Variants in IRGM observed in about 807,000 individuals in gnomAD.
The protein encoded by IRGM is immunity-related GTPase family M protein.
For synonymous variants in IRGM, 98 were observed against 80.6 expected (o/e 1.22, Z -1.16); for missense variants, 288 against 219.9 (o/e 1.31, Z -1.96).
chr5:150,883,601 A>G, intron 3 of IRGM, among the ~76,000 whole-genome samples: 1 of 152,038 alleles, frequency 6.6e-6, no homozygotes, highest in East Asian at 1.9e-4. Flanking sequence ...TTATGAGACT[A>G]CTATGAACAA....
At chr5:150,898,483 C>T (rs774783585) in intron 3 of IRGM, 4 of 1,613,172 alleles carry the variant, frequency 2.5e-6, no homozygotes, top group Non-Finnish European at 3.4e-6. Context: ...ACAGGGTCCT[C>T]TGAGAAGGGT....
intron 1 of IRGM, among the ~76,000 whole-genome samples, chr5:150,859,389 T>C (rs1754103869): frequency 6.6e-6 from 1 of 152,186 alleles, no homozygotes; most frequent in South Asian, 2.1e-4. Flanking sequence ...TAAAATTCTC[T>C]TTTTTGGCTG....
chr5:150,895,376 A>AATT, intron 3 of IRGM: 1 of 1,364,910 alleles, frequency 7.3e-7, no homozygotes, highest in Non-Finnish European at 9.8e-7. Flanking sequence ...GGTTTCTAGT[A>AATT]ATTATTAAGG....
intron 1 of IRGM, among the ~76,000 whole-genome samples, chr5:150,871,342 C>T (rs1754279343): frequency 6.6e-6 from 1 of 152,208 alleles, no homozygotes; most frequent in Admixed American, 6.5e-5. Flanking sequence ...AAGCTAACCT[C>T]CAAGATGTGT....
Position 150,886,082 on chromosome 5 carries a change from T to A in IRGM, c.*140+6436T>A, listed in dbSNP as rs80346290. Among the ~76,000 whole-genome samples the A allele has an allele frequency of 5.1e-3, 773 of 152,240 alleles. 3 individuals are homozygous for A. The highest frequency in any genetic ancestry group is 0.018 in the African/African-American group (749 of 41,546). ...AGTATTTTGAGGTATGTTTCTTCAA[T>A]ATCTATTTTATGGAGAGCTTTTAAG... On this transcript the variant is annotated intron_variant and NMD_transcript_variant, in intron 3 of 3. Transcript: ENST00000520549.
At chr5:150,864,427 C>G (rs1012639319) in intron 1 of IRGM, among the ~76,000 whole-genome samples, 4 of 152,174 alleles carry the variant, frequency 2.6e-5, no homozygotes, top group Admixed American at 2.0e-4. Flanking sequence ...GTTCCCAAAG[C>G]CCTGGATTTC....
At chr5:150,896,588 T>C (rs1489088111) in intron 3 of IRGM, 1 of 1,613,586 alleles carries the variant, frequency 6.2e-7, no homozygotes, top group Non-Finnish European at 8.5e-7. Flanking sequence ...ATTTTCCACC[T>C]CCAAAACTCT....
downstream of IRGM, among the ~76,000 whole-genome samples, chr5:150,851,245 G>A (rs1753970168): frequency 6.6e-6 from 1 of 152,160 alleles, no homozygotes; most frequent in Non-Finnish European, 1.5e-5. Flanking sequence ...GTCTTGAAGG[G>A]AAGATGGAGC....
At chr5:150,894,189 T>A (rs1040222050) in intron 3 of IRGM, among the ~76,000 whole-genome samples, 1 of 152,042 alleles carries the variant, frequency 6.6e-6, no homozygotes, top group Non-Finnish European at 1.5e-5. Context: ...CTCCTGCAGG[T>A]CACTTCCAGC....
rs1193048835 is a variant in IRGM, at chr5:150,848,136, A to C, written c.13A>C (p.Asn5His). The change falls in exon 2 of 2, where the codon AAT (asparagine) becomes CAT (histidine). Residue 5 changes from asparagine to histidine, a missense_variant. Asn to His is a moderately conservative substitution (Grantham distance 68). Coordinates refer to ENST00000522154, the MANE Select transcript of IRGM (RefSeq NM_001145805.2). Reference protein sequence around the residue: MEAMNVEKASADGNL... With the variant: MEAMHVEKASADGNL... ...TATTTTATTGAAGATGGAAGCCATG[A>C]ATGTTGAGAAAGCCTCAGCAGATGG... 12 of 1,544,258 alleles carry C rather than the reference A, an allele frequency of 7.8e-6. No homozygotes were observed. In the Admixed American group the frequency reaches 2.2e-4, roughly 28 times the overall value.
At chr5:150,855,977 C>G (rs566646447) in intron 1 of IRGM, among the ~76,000 whole-genome samples, 1 of 151,242 alleles carries the variant, frequency 6.6e-6, no homozygotes, top group African/African-American at 2.5e-5. Context: ...AAAGTTAAAA[C>G]ATGTTTTAAC....
intron 1 of IRGM, among the ~76,000 whole-genome samples, chr5:150,860,818 CT>C (rs1380115226): frequency 6.6e-6 from 1 of 152,176 alleles, no homozygotes; most frequent in African/African-American, 2.4e-5. Flanking sequence ...GCTCACTGGA[CT>C]TTTTATGTTA....
At chr5:150,884,741 C>A (rs1326912708) in intron 3 of IRGM, among the ~76,000 whole-genome samples, 1 of 152,052 alleles carries the variant, frequency 6.6e-6, no homozygotes, top group Non-Finnish European at 1.5e-5. Flanking sequence ...CCATTCATGT[C>A]ATTTGTCCAC....
chr5:150,894,929 C>A (rs748891841), intron 3 of IRGM: 1 of 152,526 alleles, frequency 6.6e-6, no homozygotes, highest in Non-Finnish European at 1.5e-5. Flanking sequence ...TTTACTGAAT[C>A]TGATCAACCT....
intron 3 of IRGM, among the ~76,000 whole-genome samples, chr5:150,886,081 A>G (rs1469428303): frequency 6.6e-6 from 1 of 152,122 alleles, no homozygotes; most frequent in Non-Finnish European, 1.5e-5. Context: ...TGTTTCTTCA[A>G]TATCTATTTT....
chr5:150,892,158 G>A (rs1754619340), intron 3 of IRGM, among the ~76,000 whole-genome samples: 1 of 151,458 alleles, frequency 6.6e-6, no homozygotes, highest in Admixed American at 6.6e-5. Flanking sequence ...TAAAACATAA[G>A]GATTAAGATT....
At chr5:150,868,455 G>T (rs1390221790) in intron 1 of IRGM, among the ~76,000 whole-genome samples, 1 of 152,074 alleles carries the variant, frequency 6.6e-6, no homozygotes, top group Non-Finnish European at 1.5e-5. Context: ...GGCTGTGCAG[G>T]CTCTTGTTTT....
intron 3 of IRGM, among the ~76,000 whole-genome samples, chr5:150,887,625 A>G (rs1754545765): frequency 6.7e-6 from 1 of 149,224 alleles, no homozygotes; most frequent in Non-Finnish European, 1.5e-5. Context: ...CATCACCAAG[A>G]CCCATAATTG....
chr5:150,860,154 T>C (rs2113263152), intron 1 of IRGM, among the ~76,000 whole-genome samples: 1 of 152,324 alleles, frequency 6.6e-6, no homozygotes, highest in South Asian at 2.1e-4. Flanking sequence ...TAAACGTAAA[T>C]TTATACAATG....
Sources: allele counts gnomAD v4.1 joint callset (sites outside exome capture counted in the v4.1 genomes callset), GRCh38; gene constraint gnomAD v4.1.1; transcripts MANE v1.5; gene names NCBI Gene and HGNC (gene_info 2026-07-23, HGNC 2026-07-21).